The following BSN variants were observed in gnomAD, a reference collection of about 807,000 sequenced individuals.
The protein encoded by BSN is protein bassoon.
A neutral mutation model predicts 264.8 loss-of-function variants in BSN; 57 were observed. The ratio of observed to expected loss-of-function variants is 0.22; its 90% CI spans 0.17 to 0.27. The LOEUF is 0.27. Ranked by LOEUF, BSN falls within the 10% of genes least tolerant of loss-of-function variation. The probability of loss-of-function intolerance (pLI) is 1.00; values close to 1 mark genes in which losing one functional copy is unlikely to be tolerated. For missense variants in BSN, 4,615 were observed against 5,232.5 expected (o/e 0.88, Z 3.64); for synonymous variants, 2,059 against 2,137.3 (o/e 0.96, Z 1.01).
At position 49,585,353 on chromosome 3, in the gene BSN, A is replaced by G. The variant is rs2051926509; in HGVS notation, c.224+30527A>G. Among the ~76,000 whole-genome samples, 1 of 152,304 alleles carries G rather than the reference A, an allele frequency of 6.6e-6. No individual in the cohort carries two copies. The highest frequency in any genetic ancestry group is 1.9e-4 in the East Asian group (1 of 5,190). On this transcript the variant is annotated intron_variant, in intron 1 of 11. Transcript: ENST00000296452. This position sits in a 1 kb window ranked among gnomAD's most constrained non-coding sequence, Gnocchi z 4.7. ...ATCCACATCCCAGTATCTTCTGCAC[A>G]TATTTCACTAATTATTTCCTCTCGG...
At chr3:49,555,820 G>A (rs2051664542) in intron 1 of BSN, among the ~76,000 whole-genome samples, 1 of 152,230 alleles carries the variant, frequency 6.6e-6, no homozygotes, top group Non-Finnish European at 1.5e-5. Context: ...AGCTCCATGT[G>A]GGTCTGCTGA....
chr3:49,669,241 G>C lies in BSN; in HGVS notation c.*1756G>C, dbSNP rs111456017. 1 of 152,616 alleles carries C rather than the reference G, an allele frequency of 6.6e-6. No homozygotes were observed. Among genetic ancestry groups the C allele is most frequent in the Non-Finnish European group, 1.5e-5 (1 of 68,054 alleles). The allele number at this position is 152,616 out of a possible 1,614,324, so 9.5% of individuals were successfully genotyped here. On this transcript the variant is annotated 3_prime_UTR_variant, in exon 12 of 12. Coordinates refer to ENST00000296452, the MANE Select transcript of BSN (RefSeq NM_003458.4). Reference sequence around the variant, plus strand: ...GACCTGCCAGAATTGTTGCCTGAGCGTGCCAGGCTGCAGGGCAGGCAGTAA... The same window carrying C: ...GACCTGCCAGAATTGTTGCCTGAGCCTGCCAGGCTGCAGGGCAGGCAGTAA...
intron 1 of BSN, among the ~76,000 whole-genome samples, chr3:49,560,367 A>G (rs910106820): frequency 2.6e-5 from 4 of 152,222 alleles, no homozygotes; most frequent in East Asian, 1.9e-4. Flanking sequence ...AGTTATGACT[A>G]CCATTACTGA....
chr3:49,655,754 C>T lies in BSN; in HGVS notation c.6198C>T (p.Asn2066=). ...LPMRRYSSVS[N]IYSDHRYGPR... ...TGCGGCGCTATAGCTCAGTGTCGAA[C>T]ATCTACTCAGACCACAGGTACGGCC... is the stretch of plus-strand genomic sequence containing the variant. The change falls in exon 5 of 12, where the codon AAC becomes AAT. Residue 2066 remains asparagine, a synonymous_variant. Coordinates refer to ENST00000296452, the MANE Select transcript of BSN (RefSeq NM_003458.4). 5 of 1,613,506 alleles carry T rather than the reference C, an allele frequency of 3.1e-6. No homozygotes were observed. The highest frequency in any genetic ancestry group is 4.2e-6 in the Non-Finnish European group (5 of 1,180,036).
At chr3:49,588,554 A>G (rs997417576) in intron 1 of BSN, among the ~76,000 whole-genome samples, 1 of 152,124 alleles carries the variant, frequency 6.6e-6, no homozygotes, top group Non-Finnish European at 1.5e-5. Flanking sequence ...CTTTTCTTGA[A>G]TATAGGTATT....
chr3:49,663,924 A>G (rs1307009521), intron 8 of BSN, 38 bp downstream of exon 8: 14 of 1,593,012 alleles, frequency 8.8e-6, no homozygotes, highest in Non-Finnish European at 1.0e-5. Context: ...TGTGGCCCAG[A>G]GCACCCAGGC....
intron 1 of BSN, among the ~76,000 whole-genome samples, chr3:49,603,305 CT>C (rs1191703499): frequency 4.6e-5 from 7 of 152,228 alleles, no homozygotes; most frequent in Non-Finnish European, 1.5e-5. Flanking sequence ...TACCTGGCTA[CT>C]GTGGAACCTA....
intron 1 of BSN, among the ~76,000 whole-genome samples, chr3:49,600,079 G>A (rs1231055072): frequency 6.6e-6 from 1 of 152,214 alleles, no homozygotes; most frequent in African/African-American, 2.4e-5. Context: ...TCATCATCAA[G>A]TAATTTGCTG....
chr3:49,649,705 C>A (rs1425186275), intron 3 of BSN, among the ~76,000 whole-genome samples: 1 of 152,194 alleles, frequency 6.6e-6, no homozygotes, highest in Non-Finnish European at 1.5e-5. Context: ...TTGTAAATGA[C>A]CTGTTTGGGG....
At chr3:49,615,763 C>T (rs1011725437) in intron 1 of BSN, among the ~76,000 whole-genome samples, 2 of 152,180 alleles carry the variant, frequency 1.3e-5, no homozygotes, top group Non-Finnish European at 2.9e-5. Context: ...TGAGGCCAGC[C>T]CTTGATGGCT....
chr3:49,662,722 C>A (rs2052672074), intron 6 of BSN, among the ~76,000 whole-genome samples, 154 bp from the exon 7 acceptor site: 1 of 151,866 alleles, frequency 6.6e-6, no homozygotes, highest in South Asian at 2.1e-4. Context: ...TCCATCTGTG[C>A]CCTGGTCCGT....
chr3:49,625,910 A>G lies in BSN; in HGVS notation c.633+527A>G, dbSNP rs1237123670. On this transcript the variant is annotated intron_variant, in intron 2 of 11. Transcript: ENST00000296452. This position sits in a 1 kb window ranked among gnomAD's most constrained non-coding sequence, Gnocchi z 4.4. The stretch of plus-strand genomic sequence containing the variant: ...AGCACCTCTTCTTGGCTTTAGTTCT[A>G]GTCAGCTGGGGACCTGAGGTGGTGG... Among the ~76,000 whole-genome samples, 2 of 152,204 alleles carry G rather than the reference A, an allele frequency of 1.3e-5. No homozygotes were observed. The highest frequency in any genetic ancestry group is 2.9e-5 in the Non-Finnish European group (2 of 68,028).
chr3:49,594,385 A>G (rs547947634), intron 1 of BSN, among the ~76,000 whole-genome samples: 3 of 152,360 alleles, frequency 2.0e-5, no homozygotes, highest in African/African-American at 4.8e-5. Context: ...TTTTTAAAAC[A>G]AATATGGATA....
chr3:49,653,351 G>A lies in BSN; in HGVS notation c.3795G>A (p.Gln1265=), dbSNP rs35025593. 1,896 of 1,612,946 alleles carry A rather than the reference G, an allele frequency of 1.2e-3. 16 individuals are homozygous for A. The African/African-American group carries it at 0.018, about 15-fold the overall frequency. ...AVYEEILQTS[Q]SIVRMRQASS... The stretch of plus-strand genomic sequence containing the variant: ...ACGAAGAAATCCTTCAGACATCACA[G>A]AGCATAGTCCGCATGCGGCAGGCCT... The change falls in exon 5 of 12, where the codon CAG becomes CAA. Residue 1265 remains glutamine (Q), a synonymous_variant. Coordinates refer to ENST00000296452, the MANE Select transcript of BSN (RefSeq NM_003458.4). The surrounding 1 kb of genome is among the most constrained non-coding windows in gnomAD (Gnocchi z 6.3).
Position 49,653,964 on chromosome 3 carries a change from T to C in BSN, c.4408T>C (p.Tyr1470His), listed in dbSNP as rs1359776578. The part of the protein sequence containing the change: ...EGGTPQPSRA[Y>H]SYFASSSPPL... ...TGGCACTCCTCAGCCTTCCCGGGCA[T>C]ATTCCTACTTTGCAAGCTCCAGCCC... is the stretch of plus-strand genomic sequence containing the variant. The change falls in exon 5 of 12, where the codon TAT (tyrosine) becomes CAT (histidine). Residue 1470 changes from tyrosine to histidine, a missense_variant. By Grantham distance (83) the Tyr-to-His change is moderately conservative (BLOSUM62 2). Around this residue, in one of 3 missense-constraint regions of BSN, gnomAD observed 3,415 missense variants for 3,866.4 expected, o/e 0.88. Transcript: ENST00000296452. The surrounding 1 kb of genome is among the most constrained non-coding windows in gnomAD (Gnocchi z 6.3). The C allele has an allele frequency of 6.2e-7, 1 of 1,613,978 alleles. No individual in the cohort carries two copies. The highest frequency in any genetic ancestry group is 8.5e-7 in the Non-Finnish European group (1 of 1,179,988).
At chr3:49,555,139 C>T (rs776365193) in intron 1 of BSN, among the ~76,000 whole-genome samples, 53 of 152,230 alleles carry the variant, frequency 3.5e-4, no homozygotes, top group Admixed American at 2.6e-4. Flanking sequence ...TAACCTTAAC[C>T]TGGTCCCTCC....
intron 1 of BSN, among the ~76,000 whole-genome samples, chr3:49,579,098 C>T (rs944912730): frequency 2.0e-5 from 3 of 151,944 alleles, no homozygotes; most frequent in Non-Finnish European, 4.4e-5. Context: ...AGAGATCCTC[C>T]CACCTCAGCC....
At chr3:49,673,046 A>G (rs13093385), downstream of BSN, among the ~76,000 whole-genome samples, 2 of 128,660 alleles carry the variant, frequency 1.6e-5, no homozygotes, top group Non-Finnish European at 3.1e-5. Context: ...TCCAAAGTGC[A>G]GGGATTACAG....
rs762429724 is a variant in BSN, at chr3:49,654,731, C to T, written c.5175C>T (p.Phe1725=). Residue 1725 remains phenylalanine, a synonymous_variant, in exon 5 of 12, where the codon TTC becomes TTT. Coordinates refer to ENST00000296452, the MANE Select transcript of BSN (RefSeq NM_003458.4). This position sits in a 1 kb window ranked among gnomAD's most constrained non-coding sequence, Gnocchi z 4.1. ...VINLNAQEHT[F]LATATTVSIT... ...ACCTCAATGCCCAGGAGCATACCTT[C>T]CTTGCTACTGCCACCACCGTGAGCA... 6.2e-7 allele frequency: 1 copy of T among 1,613,674 alleles called. No homozygotes were observed. Among genetic ancestry groups the T allele is most frequent in the Non-Finnish European group, 8.5e-7 (1 of 1,180,008 alleles).
Sources: gnomAD v4.1 joint callset for allele counts (sites outside exome capture counted in the v4.1 genomes callset) on GRCh38, gnomAD v4.1.1 for gene constraint, gnomAD v4.1.1 regional missense constraint, Gnocchi (gnomAD v3.1) non-coding constraint, MANE v1.5 for transcripts, NCBI Gene and HGNC (gene_info 2026-07-23, HGNC 2026-07-21) for gene names.